USP32: variants seen among roughly 807,000 people sequenced by gnomAD.
USP32 encodes ubiquitin specific peptidase 32.
Under a neutral mutation model 204.8 loss-of-function variants are expected in USP32, and 59 were observed. That is an observed-to-expected ratio of 0.29 (90% CI 0.23 to 0.36). The LOEUF is 0.36. USP32 is among the 10% of genes least tolerant of loss of function. USP32 has a pLI of 1.00. For synonymous variants in USP32, 517 were observed against 678.4 expected (o/e 0.76, Z 3.70); for missense variants, 1,160 against 1,946.4 (o/e 0.60, Z 7.60).
At chr17:60,299,171 C>A (rs1023184195) in intron 3 of USP32, among the ~76,000 whole-genome samples, 1 of 152,082 alleles carries the variant, frequency 6.6e-6, no homozygotes, top group Non-Finnish European at 1.5e-5. Flanking sequence ...AAAACAAAAC[C>A]ACGTATCAAA....
chr17:60,372,080 TGGAA>T (rs1275431165), intron 1 of USP32, among the ~76,000 whole-genome samples: 3 of 151,844 alleles, frequency 2.0e-5, no homozygotes, highest in Admixed American at 2.0e-4. Flanking sequence ...GTGGCTAAGG[TGGAA>T]GGAAGGGAGA....
intron 4 of USP32, among the ~76,000 whole-genome samples, chr17:60,294,243 G>A (rs2145868775): frequency 6.6e-6 from 1 of 152,168 alleles, no homozygotes; most frequent in South Asian, 2.1e-4. Context: ...ATTTCACTAT[G>A]CAAATCAACT....
intron 2 of USP32, among the ~76,000 whole-genome samples, chr17:60,313,205 C>A (rs930310321): frequency 7.2e-6 from 1 of 139,696 alleles, no homozygotes; most frequent in Admixed American, 6.8e-5. Context: ...GAGCCAAGAT[C>A]GCACCACTGC....
chr17:60,309,025 GA>G (rs1390069537), intron 2 of USP32, among the ~76,000 whole-genome samples: 1 of 152,182 alleles, frequency 6.6e-6, no homozygotes, highest in Non-Finnish European at 1.5e-5. Flanking sequence ...CTGAAACTAT[GA>G]AACTACTAGA....
At chr17:60,301,578 T>G in intron 3 of USP32, 21 bp downstream of exon 3, 46 of 1,438,970 alleles carry the variant, frequency 3.2e-5, no homozygotes, top group Non-Finnish European at 4.1e-5. Flanking sequence ...GAATTATTTT[T>G]GAGATAATAA....
At chr17:60,287,488 T>C (rs982183708) in intron 5 of USP32, among the ~76,000 whole-genome samples, 1 of 152,184 alleles carries the variant, frequency 6.6e-6, no homozygotes, top group East Asian at 1.9e-4. Flanking sequence ...AGCATTTACC[T>C]GGTCCTCTTT....
intron 11 of USP32, among the ~76,000 whole-genome samples, chr17:60,243,386 T>C (rs1284865825): frequency 6.6e-6 from 1 of 152,230 alleles, no homozygotes; most frequent in Admixed American, 6.5e-5. Context: ...CTTGAAGCTC[T>C]AATACAATGT....
At chr17:60,269,856 A>T (rs992501278) in intron 6 of USP32, among the ~76,000 whole-genome samples, 1 of 152,198 alleles carries the variant, frequency 6.6e-6, no homozygotes, top group African/African-American at 2.4e-5. Context: ...ATAAATAAAA[A>T]TTAAAAACCA....
intron 16 of USP32, among the ~76,000 whole-genome samples, chr17:60,219,365 T>C (rs2085181970): frequency 6.6e-6 from 1 of 152,062 alleles, no homozygotes; most frequent in Non-Finnish European, 1.5e-5. Context: ...TCTATTTCTA[T>C]TTATTTTCTT....
chr17:60,368,418 C>A (rs2146078790), intron 1 of USP32, among the ~76,000 whole-genome samples: 1 of 152,144 alleles, frequency 6.6e-6, no homozygotes, highest in Admixed American at 6.5e-5. Context: ...AGTAAGAAAT[C>A]CCAATATAAA....
chr17:60,192,993 T>C, intron 27 of USP32, 63 bp from the exon 28 acceptor site: 1 of 1,558,584 alleles, frequency 6.4e-7, no homozygotes, highest in South Asian at 1.1e-5. Flanking sequence ...CAACTCCTCT[T>C]CATCTTCTCT....
At chr17:60,274,495 C>T (rs1212613449) in intron 5 of USP32, among the ~76,000 whole-genome samples, 1 of 151,990 alleles carries the variant, frequency 6.6e-6, no homozygotes, top group African/African-American at 2.4e-5. Flanking sequence ...CATAATCAAA[C>T]TGGTGATGAA....
chr17:60,317,410 G>A (rs2088008234), intron 2 of USP32, among the ~76,000 whole-genome samples: 1 of 151,476 alleles, frequency 6.6e-6, no homozygotes, highest in Admixed American at 6.6e-5. Flanking sequence ...CAGCGACTCG[G>A]GAGGCTGAGC....
Position 60,252,440 on chromosome 17 carries a change from C to T in USP32, c.1077G>A (p.Val359=), listed in dbSNP as rs1239824272. The T allele has an allele frequency of 9.3e-6, 15 of 1,605,360 alleles. No homozygotes were observed. Among genetic ancestry groups the T allele is most frequent in the Non-Finnish European group, 1.2e-5 (14 of 1,176,338 alleles). ...ANEFLNLLFQ[V]CHIVLGLRPA... ...GTCTTAACCCCAGAACTATGTGACA[C>T]ACCTAGGGAAAAAAATGGTAAATCA... Residue 359 remains valine (V), a splice_region_variant and synonymous_variant, in exon 11 of 34, where the codon GTG becomes GTA. Transcript: ENST00000300896.
intron 1 of USP32, among the ~76,000 whole-genome samples, chr17:60,414,621 G>A (rs2090046220): frequency 6.6e-6 from 1 of 151,378 alleles, no homozygotes; most frequent in South Asian, 2.1e-4. Flanking sequence ...TAGAGACGGG[G>A]TTTTGCCATG....
chr17:60,323,795 A>G (rs1359639300), intron 2 of USP32, among the ~76,000 whole-genome samples: 3 of 152,244 alleles, frequency 2.0e-5, no homozygotes, highest in Non-Finnish European at 1.5e-5. Context: ...CTGGAAAAGT[A>G]GTTCAAGATA....
chr17:60,380,721 G>T (rs898104431), intron 1 of USP32, among the ~76,000 whole-genome samples: 2 of 152,088 alleles, frequency 1.3e-5, no homozygotes, highest in Admixed American at 6.5e-5. Context: ...AAATTGCATG[G>T]AATTTTGACA....
At chr17:60,190,278 A>G (rs73320988) in intron 29 of USP32, among the ~76,000 whole-genome samples, 146 of 152,318 alleles carry the variant, frequency 9.6e-4, no homozygotes, top group African/African-American at 3.1e-3. Context: ...AGGCTGCCGA[A>G]CAGTAAGCTA....
intron 26 of USP32, among the ~76,000 whole-genome samples, chr17:60,199,311 C>CT (rs559565832): frequency 3.8e-4 from 58 of 151,146 alleles, no homozygotes; most frequent in Non-Finnish European, 4.9e-4. Flanking sequence ...TGATTTTAAT[C>CT]TTTTTTTTTG....
Sources: allele counts gnomAD v4.1 joint callset (sites outside exome capture counted in the v4.1 genomes callset), GRCh38; gene constraint gnomAD v4.1.1; transcripts MANE v1.5; gene names NCBI Gene and HGNC (gene_info 2026-07-23, HGNC 2026-07-21).